The following SLC16A12 variants were observed in gnomAD, a reference collection of about 807,000 sequenced individuals.
The protein encoded by SLC16A12 is solute carrier family 16 member 12.
A neutral mutation model predicts 42.4 loss-of-function variants in SLC16A12; 17 were observed. The observed-to-expected ratio is 0.40, with a 90% confidence interval of 0.27 to 0.60. The LOEUF (loss-of-function observed/expected upper bound fraction) is 0.60. Ranked by LOEUF, SLC16A12 falls within the 20% of genes least tolerant of loss-of-function variation. The pLI is 0.42. For synonymous variants in SLC16A12, 224 were observed against 229.4 expected (o/e 0.98, Z 0.21); for missense variants, 544 against 623.0 (o/e 0.87, Z 1.35).
Position 89,433,174 on chromosome 10 carries a change from T to G in SLC16A12, c.1441A>C (p.Lys481Gln), listed in dbSNP as rs1004436880. ...GATCCATTGGTCCATAGCTGCAGCT[T>G]AGGATCAGATTCTTTGGCAATGAAC... Reference protein sequence around the residue: ...LQFIAKESDPKLQLWTNGSVA... With the variant: ...LQFIAKESDPQLQLWTNGSVA... The change falls in exon 8 of 8, where the codon AAG becomes CAG. Residue 481 changes from lysine (K) to glutamine (Q), a missense_variant. Transcript: ENST00000371790. The G allele has an allele frequency of 1.2e-6, 2 of 1,614,164 alleles. No individual in the cohort carries two copies. Among genetic ancestry groups the G allele is most frequent in the Admixed American group, 1.7e-5 (1 of 60,020 alleles).
chr10:89,486,604 AAAGAAAG>A (rs1310983060), intron 2 of SLC16A12, among the ~76,000 whole-genome samples: 15 of 38,180 alleles, frequency 3.9e-4, no homozygotes, highest in East Asian at 8.7e-4. Flanking sequence ...AAAAAAAAAA[AAAGAAAG>A]AAAGAAAGAA....
At chr10:89,478,935 T>A (rs1445554859) in intron 2 of SLC16A12, among the ~76,000 whole-genome samples, 1 of 152,234 alleles carries the variant, frequency 6.6e-6, no homozygotes, top group Non-Finnish European at 1.5e-5. Context: ...CCCTTTCACA[T>A]CTGCCCTCCC....
intron 2 of SLC16A12, among the ~76,000 whole-genome samples, chr10:89,465,765 A>G (rs997903657): frequency 1.3e-5 from 2 of 152,162 alleles, no homozygotes; most frequent in African/African-American, 4.8e-5. Context: ...TCCAGTGGCC[A>G]TCTGGGCCCA....
At position 89,497,462 on chromosome 10, in the gene SLC16A12, C is replaced by A. The variant is rs562426083; in HGVS notation, c.-46-34838G>T. 1.4e-3 allele frequency among the ~76,000 whole-genome samples: 218 copies of A among 152,250 alleles called. 2 individuals are homozygous for A. The highest frequency in any genetic ancestry group is 0.012 in the South Asian group (56 of 4,820). Reference sequence around the variant, plus strand: ...TTTTTGGACCAAATTGCTGGGAACTCAAAGACCAGGTCTTTTCAAATGAAA... The same window carrying A: ...TTTTTGGACCAAATTGCTGGGAACTAAAAGACCAGGTCTTTTCAAATGAAA... On this transcript the variant is annotated intron_variant, in intron 2 of 7. Transcript: ENST00000371790.
At chr10:89,535,740 C>T (rs560294763), upstream of SLC16A12, among the ~76,000 whole-genome samples, 1 of 152,140 alleles carries the variant, frequency 6.6e-6, no homozygotes, top group South Asian at 2.1e-4. Flanking sequence ...CCGGGGCGCA[C>T]CCGCCGAGCC....
chr10:89,541,529 C>T (rs1018501510), intron 2 of SLC16A12, among the ~76,000 whole-genome samples: 6 of 152,178 alleles, frequency 3.9e-5, no homozygotes, highest in African/African-American at 1.4e-4. Flanking sequence ...CACAGGAGTT[C>T]GAGGCTGTTA....
At chr10:89,544,352 G>A (rs767150330) in intron 2 of SLC16A12, among the ~76,000 whole-genome samples, 5 of 152,308 alleles carry the variant, frequency 3.3e-5, no homozygotes, top group Admixed American at 6.5e-5. Context: ...GGAGTATGAA[G>A]AAAAGGAGGT....
At chr10:89,534,442 G>T (rs1257206915) in intron 2 of SLC16A12, 59 bp downstream of exon 2, 1 of 152,098 alleles carries the variant, frequency 6.6e-6, no homozygotes, top group African/African-American at 2.4e-5. Context: ...CAGGTAGGAT[G>T]AACTAATTAG....
intron 2 of SLC16A12, among the ~76,000 whole-genome samples, chr10:89,500,886 G>C (rs867206130): frequency 6.6e-6 from 1 of 152,088 alleles, no homozygotes; most frequent in Non-Finnish European, 1.5e-5. Flanking sequence ...TGTTTACCTC[G>C]AAAACCCTAA....
At chr10:89,462,356 G>A in intron 3 of SLC16A12, 23 bp downstream of exon 3, 1 of 1,613,710 alleles carries the variant, frequency 6.2e-7, no homozygotes. Context: ...ATCTTAATAA[G>A]TTAAGAAGAA....
chr10:89,466,946 C>T (rs778735896), intron 2 of SLC16A12, among the ~76,000 whole-genome samples: 3 of 152,168 alleles, frequency 2.0e-5, no homozygotes, highest in Non-Finnish European at 4.4e-5. Context: ...CCCTCTCTTT[C>T]TCTCAATTCC....
At chr10:89,529,195 A>C (rs1471283007) in intron 2 of SLC16A12, among the ~76,000 whole-genome samples, 1 of 152,118 alleles carries the variant, frequency 6.6e-6, no homozygotes. Flanking sequence ...AGAGAGCTGA[A>C]ATTTCTGTTT....
intron 2 of SLC16A12, among the ~76,000 whole-genome samples, chr10:89,483,906 G>GT (rs1842709002): frequency 6.6e-6 from 1 of 152,136 alleles, no homozygotes; most frequent in South Asian, 2.1e-4. Flanking sequence ...TAATGCTGTG[G>GT]TCAAGTGCAT....
intron 2 of SLC16A12, among the ~76,000 whole-genome samples, chr10:89,540,990 C>T (rs1201872320): frequency 1.3e-5 from 2 of 149,912 alleles, no homozygotes; most frequent in East Asian, 1.9e-4. Context: ...TGTACAATCT[C>T]GGCTCAATTT....
chr10:89,504,612 A>G (rs1843032978), intron 2 of SLC16A12, among the ~76,000 whole-genome samples: 1 of 152,210 alleles, frequency 6.6e-6, no homozygotes, highest in African/African-American at 2.4e-5. Flanking sequence ...TATTCAGAAA[A>G]TTACAGAATA....
chr10:89,524,353 C>A (rs1290343761), intron 2 of SLC16A12, among the ~76,000 whole-genome samples: 2 of 152,124 alleles, frequency 1.3e-5, no homozygotes, highest in African/African-American at 2.4e-5. Context: ...TGCGATGTAC[C>A]AGACCCTGAT....
chr10:89,552,295 G>T (rs1455837658), intron 2 of SLC16A12, among the ~76,000 whole-genome samples: 1 of 152,222 alleles, frequency 6.6e-6, no homozygotes, highest in African/African-American at 2.4e-5. Flanking sequence ...ACAGAAAACA[G>T]ATTATAAAGC....
At chr10:89,471,786 C>G (rs985591821) in intron 2 of SLC16A12, among the ~76,000 whole-genome samples, 8 of 152,122 alleles carry the variant, frequency 5.3e-5, no homozygotes, top group Non-Finnish European at 1.0e-4. Flanking sequence ...TTTGGCAATA[C>G]TTGGTATTTA....
intron 3 of SLC16A12, among the ~76,000 whole-genome samples, chr10:89,451,747 G>A (rs1001135124): frequency 1.3e-5 from 2 of 152,152 alleles, no homozygotes; most frequent in African/African-American, 4.8e-5. Flanking sequence ...TGGAACAATG[G>A]AGACTTCATG....
Sources: allele counts gnomAD v4.1 joint callset (sites outside exome capture counted in the v4.1 genomes callset), GRCh38; gene constraint gnomAD v4.1.1; transcripts MANE v1.5; gene names NCBI Gene and HGNC (gene_info 2026-07-23, HGNC 2026-07-21).